Variants in TMPRSS15 observed in about 807,000 individuals in gnomAD.
The protein encoded by TMPRSS15 is enteropeptidase.
In TMPRSS15, 128 loss-of-function variants were observed where a neutral mutation model predicts 125.3. That is an observed-to-expected ratio of 1.02 (90% CI 0.89 to 1.18). The LOEUF is 1.18. Among genes scored for constraint, TMPRSS15 ranks in the 50% most tolerant of loss-of-function variants. The probability of loss-of-function intolerance (pLI) is 0.00; values close to 1 mark genes in which losing one functional copy is unlikely to be tolerated. For missense variants in TMPRSS15, 1,283 were observed against 1,212.7 expected (o/e 1.06, Z -0.86); for synonymous variants, 446 against 423.2 (o/e 1.05, Z -0.66).
intron 3 of TMPRSS15, among the ~76,000 whole-genome samples, chr21:18,384,522 C>T (rs561371486): frequency 1.4e-4 from 22 of 152,194 alleles, no homozygotes; most frequent in African/African-American, 5.1e-4. Context: ...TAAAAGGTAA[C>T]TTTTTTTCAG....
intron 1 of TMPRSS15, among the ~76,000 whole-genome samples, chr21:18,469,180 C>T (rs749183938): frequency 1.3e-5 from 2 of 152,022 alleles, no homozygotes; most frequent in Admixed American, 6.6e-5. Flanking sequence ...AGGAAGAGGG[C>T]ATGTATATTA....
chr21:18,314,440 G>A (rs2075136614), intron 17 of TMPRSS15, among the ~76,000 whole-genome samples: 1 of 151,686 alleles, frequency 6.6e-6, no homozygotes. Flanking sequence ...CACCACGCCT[G>A]GCAAATTTCG....
At chr21:18,423,844 C>T (rs1383419133) in intron 1 of TMPRSS15, among the ~76,000 whole-genome samples, 1 of 152,130 alleles carries the variant, frequency 6.6e-6, no homozygotes, top group African/African-American at 2.4e-5. Flanking sequence ...CTGATATTAA[C>T]AGATTATAGC....
intron 1 of TMPRSS15, among the ~76,000 whole-genome samples, chr21:18,480,124 A>T (rs1978954859): frequency 2.0e-5 from 3 of 152,066 alleles, no homozygotes; most frequent in African/African-American, 7.2e-5. Flanking sequence ...CATTCTCAGC[A>T]AACCAACACA....
intron 1 of TMPRSS15, among the ~76,000 whole-genome samples, chr21:18,455,494 G>A (rs576474028): frequency 2.0e-5 from 3 of 152,264 alleles, no homozygotes; most frequent in Admixed American, 6.5e-5. Flanking sequence ...GATGAAGTTA[G>A]GACCTGTACT....
intron 1 of TMPRSS15, among the ~76,000 whole-genome samples, chr21:18,427,896 C>T (rs934863425): frequency 4.7e-5 from 7 of 148,220 alleles, no homozygotes; most frequent in African/African-American, 1.7e-4. Context: ...ATCTACACAG[C>T]TAAGAGTTTG....
At chr21:18,286,654 G>T (rs1403018025) in intron 21 of TMPRSS15, among the ~76,000 whole-genome samples, 1 of 152,178 alleles carries the variant, frequency 6.6e-6, no homozygotes, top group Non-Finnish European at 1.5e-5. Context: ...CTTCAGCTAT[G>T]GTCCTAACTG....
Position 18,379,309 on chromosome 21 carries a change from G to A in TMPRSS15, c.506C>T (p.Thr169Ile), listed in dbSNP as rs1228722305. ...TGGAGTTGCCAGATGACTGGTGGTT[G>A]TTAGCTTGTCTGAAAAATAAATTAT... ...LNSVDILDKL[T>I]TTSHLATPGN... is the part of the protein sequence containing the mutation. Residue 169 changes from threonine (T) to isoleucine (I), a missense_variant, in exon 5 of 25, where the codon ACA (threonine) becomes ATA (isoleucine). By Grantham distance (89) the Thr-to-Ile change is moderately conservative. Transcript: ENST00000284885. 3.0e-6 allele frequency: 4 copies of A among 1,326,116 alleles called. No homozygotes were observed. The highest frequency in any genetic ancestry group is 2.6e-5 in the Admixed American group (1 of 38,400). 82.1% of individuals were successfully genotyped at this position (1,326,116 alleles called of 1,614,324 possible).
At chr21:18,309,724 A>G (rs900406777) in intron 18 of TMPRSS15, among the ~76,000 whole-genome samples, 1 of 152,172 alleles carries the variant, frequency 6.6e-6, no homozygotes, top group African/African-American at 2.4e-5. Context: ...CAAAATCACA[A>G]TGAGATACCA....
At chr21:18,366,451 T>G (rs777292243) in intron 6 of TMPRSS15, among the ~76,000 whole-genome samples, 1 of 152,218 alleles carries the variant, frequency 6.6e-6, no homozygotes, top group Non-Finnish European at 1.5e-5. Context: ...GTAGATTTAT[T>G]TCATGAATCT....
In TMPRSS15 at chr21:18,294,373, C is replaced by A; in HGVS notation, c.2383G>T (p.Ala795Ser). ...TACAGACCCACAACCCAGGGCCAGG[C>A]CCCTTCTTTGGCATTACTTCCTCCA... The part of the protein sequence containing the change: ...IVGGSNAKEG[A>S]WPWVVGLYYG... The change falls in exon 21 of 25, where the codon GCC becomes TCC. Residue 795 changes from alanine (A) to serine (S), a missense_variant. Transcript: ENST00000284885. 5 of 1,614,246 alleles carry A rather than the reference C, an allele frequency of 3.1e-6. No homozygotes were observed. The highest frequency in any genetic ancestry group is 3.4e-6 in the Non-Finnish European group (4 of 1,180,050).
At position 18,335,698 on chromosome 21, in the gene TMPRSS15, T is replaced by C. The variant is rs189568893; in HGVS notation, c.1565-3525A>G. Among the ~76,000 whole-genome samples the C allele has an allele frequency of 9.2e-5, 14 of 152,350 alleles. No homozygotes were observed. The East Asian group carries it at 2.5e-3, about 27-fold the overall frequency. ...CAGTTACTCTCTGCATATAAATGAC[T>C]GTAAAGAATTGGTAAAAACACTTTA... On this transcript the variant is annotated intron_variant, in intron 13 of 24. Transcript: ENST00000284885.
At chr21:18,413,350 T>TCCTA in intron 1 of TMPRSS15, among the ~76,000 whole-genome samples, 1 of 143,690 alleles carries the variant, frequency 7.0e-6, no homozygotes, top group East Asian at 2.0e-4. Flanking sequence ...CTTCCTTCCT[T>TCCTA]CCTTCCTTCC....
chr21:18,313,864 A>C (rs1201036890), intron 17 of TMPRSS15, among the ~76,000 whole-genome samples: 4 of 146,972 alleles, frequency 2.7e-5, no homozygotes, highest in Non-Finnish European at 6.0e-5. Flanking sequence ...ACTCAAGTTT[A>C]GGGATTACTT....
intron 1 of TMPRSS15, among the ~76,000 whole-genome samples, chr21:18,452,983 T>A (rs1303563944): frequency 3.9e-5 from 6 of 152,136 alleles, no homozygotes. Context: ...CTTAACAAAG[T>A]TTGAAGTGCA....
intron 18 of TMPRSS15, among the ~76,000 whole-genome samples, chr21:18,311,924 T>G (rs2075104668): frequency 6.6e-6 from 1 of 152,156 alleles, no homozygotes; most frequent in African/African-American, 2.4e-5. Flanking sequence ...ATACATAGAG[T>G]GTATATATAA....
intron 6 of TMPRSS15, 97 bp from the exon 7 acceptor site, chr21:18,365,345 A>G (rs2075716870): frequency 1.0e-6 from 1 of 963,440 alleles, no homozygotes; most frequent in Non-Finnish European, 1.7e-6. Flanking sequence ...AAACCTGTAC[A>G]AGGTTATTTT....
At chr21:18,341,577 T>C in intron 12 of TMPRSS15, 29 bp from the exon 13 acceptor site, 3 of 1,612,936 alleles carry the variant, frequency 1.9e-6, no homozygotes, top group East Asian at 4.5e-5. Flanking sequence ...TATGAAACGA[T>C]TTGATTCCAT....
intron 24 of TMPRSS15, among the ~76,000 whole-genome samples, chr21:18,270,697 T>C (rs1264260626): frequency 6.6e-6 from 1 of 152,178 alleles, no homozygotes; most frequent in Non-Finnish European, 1.5e-5. Flanking sequence ...ATTGCTCATG[T>C]TTTCATCTGA....
Sources: gnomAD v4.1 joint callset for allele counts (sites outside exome capture counted in the v4.1 genomes callset) on GRCh38, gnomAD v4.1.1 for gene constraint, MANE v1.5 for transcripts, NCBI Gene and HGNC (gene_info 2026-07-23, HGNC 2026-07-21) for gene names.